CDH10: variants seen among roughly 807,000 people sequenced by gnomAD.
The protein encoded by CDH10 is cadherin 10.
Under a neutral mutation model 73.1 loss-of-function variants are expected in CDH10, and 30 were observed. That is an observed-to-expected ratio of 0.41 (90% confidence interval 0.31 to 0.56). The LOEUF is 0.56. Among genes scored for constraint, CDH10 ranks in the 20% least tolerant of loss-of-function variants. The probability of loss-of-function intolerance (pLI) is 0.27; values close to 1 mark genes in which losing one functional copy is unlikely to be tolerated. For missense variants in CDH10, 815 were observed against 973.7 expected, an observed-to-expected ratio of 0.84 and a Z score of 2.17; for synonymous variants, 345 against 348.2, an observed-to-expected ratio of 0.99 and a Z score of 0.10.
rs548832002 is a variant in CDH10, at chr5:24,606,363, C to A, written c.-123-12750G>T. Among the ~76,000 whole-genome samples the A allele has an allele frequency of 4.6e-5, 7 of 152,246 alleles. No homozygotes were observed. In the South Asian group the frequency reaches 1.5e-3, roughly 32 times the overall value. ...CAGTGGCTCACACCTGTAATCCCAG[C>A]ACTTTGGGAGGTCAAGGTGGGTGGA... On this transcript the variant is annotated intron_variant, in intron 1 of 11. Coordinates refer to ENST00000264463, the MANE Select transcript of CDH10 (RefSeq NM_006727.5).
At chr5:24,618,326 T>G (rs2112161305) in intron 1 of CDH10, among the ~76,000 whole-genome samples, 1 of 152,324 alleles carries the variant, frequency 6.6e-6, no homozygotes, top group Admixed American at 6.5e-5. Flanking sequence ...GAGACAACGC[T>G]GTTGCAGAGT....
intron 5 of CDH10, among the ~76,000 whole-genome samples, chr5:24,534,896 G>C (rs1288234658): frequency 6.8e-6 from 1 of 147,702 alleles, no homozygotes; most frequent in Non-Finnish European, 1.5e-5. Context: ...AGGTCTTCCT[G>C]TCTCTGAGTG....
chr5:24,641,606 A>G (rs965684267), intron 1 of CDH10, among the ~76,000 whole-genome samples: 1 of 152,122 alleles, frequency 6.6e-6, no homozygotes, highest in African/African-American at 2.4e-5. Flanking sequence ...CAGTTTTTCA[A>G]ATATGCATCT....
intron 1 of CDH10, among the ~76,000 whole-genome samples, chr5:24,594,441 T>TC (rs1429571366): frequency 6.6e-6 from 1 of 151,756 alleles, no homozygotes; most frequent in Non-Finnish European, 1.5e-5. Context: ...CATTTTTTTT[T>TC]CCACAAAACA....
At chr5:24,514,809 T>C (rs1376117164) in intron 5 of CDH10, among the ~76,000 whole-genome samples, 2 of 152,110 alleles carry the variant, frequency 1.3e-5, no homozygotes, top group Non-Finnish European at 2.9e-5. Flanking sequence ...TAATGAGTTT[T>C]CAATTAAAAA....
At chr5:24,628,399 G>C (rs1318711854) in intron 1 of CDH10, among the ~76,000 whole-genome samples, 2 of 152,162 alleles carry the variant, frequency 1.3e-5, no homozygotes, top group Non-Finnish European at 2.9e-5. Flanking sequence ...CAGACACCAA[G>C]TGGTAATTCA....
chr5:24,495,518 T>C lies in CDH10; in HGVS notation c.1516-2593A>G, dbSNP rs571306945. On this transcript the variant is annotated intron_variant, in intron 9 of 11. Transcript: ENST00000264463. The stretch of plus-strand genomic sequence containing the variant: ...GCTTTTTCTATGGGAAGCCTTGGAG[T>C]TTCCGTTAATGAGAACATTTCCTTT... Among the ~76,000 whole-genome samples, 7 of 151,948 alleles carry C rather than the reference T, an allele frequency of 4.6e-5. No individual in the cohort carries two copies. In the South Asian group the frequency reaches 8.3e-4, roughly 18 times the overall value.
intron 1 of CDH10, among the ~76,000 whole-genome samples, chr5:24,632,644 T>C (rs1747743818): frequency 6.6e-6 from 1 of 151,970 alleles, no homozygotes; most frequent in Admixed American, 6.6e-5. Flanking sequence ...ATAGAGAAAA[T>C]AATTTGCCTA....
chr5:24,520,722 ACT>A (rs1491128809), intron 5 of CDH10, among the ~76,000 whole-genome samples: 2 of 151,316 alleles, frequency 1.3e-5, no homozygotes, highest in African/African-American at 2.4e-5. Flanking sequence ...AACACAAATC[ACT>A]TTTTTTTTGT....
chr5:24,623,633 T>G (rs967635330), intron 1 of CDH10, among the ~76,000 whole-genome samples: 1 of 152,202 alleles, frequency 6.6e-6, no homozygotes, highest in East Asian at 1.9e-4. Context: ...AAATGGCATT[T>G]AAGCATCATG....
At chr5:24,636,631 A>G (rs1173562856) in intron 1 of CDH10, among the ~76,000 whole-genome samples, 5 of 151,956 alleles carry the variant, frequency 3.3e-5, no homozygotes, top group African/African-American at 1.2e-4. Flanking sequence ...CAATACACCT[A>G]TATAACAAAC....
intron 1 of CDH10, chr5:24,612,900 A>C (rs1449637397): frequency 6.6e-6 from 1 of 152,146 alleles, no homozygotes; most frequent in Non-Finnish European, 1.5e-5. Flanking sequence ...TTGTATTTTC[A>C]ATTTTTTAAA....
intron 5 of CDH10, among the ~76,000 whole-genome samples, chr5:24,527,314 T>C (rs1384012228): frequency 2.0e-5 from 3 of 147,324 alleles, no homozygotes. Flanking sequence ...TAATTAAATA[T>C]ACAGTCTTAT....
chr5:24,504,820 G>A (rs1208828544), intron 8 of CDH10, among the ~76,000 whole-genome samples: 2 of 151,822 alleles, frequency 1.3e-5, no homozygotes, highest in African/African-American at 4.8e-5. Context: ...CACCGTGCCC[G>A]GCCTGTTAAT....
chr5:24,511,547 G>C (rs749518978), intron 5 of CDH10, 33 bp from the exon 6 acceptor site: 21 of 83,994 alleles, frequency 2.5e-4, no homozygotes, highest in Non-Finnish European at 3.0e-4. Flanking sequence ...GAGAGAGACA[G>C]AGAGAGAGAG....
intron 1 of CDH10, among the ~76,000 whole-genome samples, chr5:24,605,264 G>A (rs1165198287): frequency 1.3e-5 from 2 of 152,224 alleles, no homozygotes; most frequent in Admixed American, 6.5e-5. Context: ...TCTATGACCT[G>A]TTAGGAACCG....
intron 7 of CDH10, among the ~76,000 whole-genome samples, chr5:24,508,708 A>G (rs1365627880): frequency 1.3e-5 from 2 of 148,912 alleles, no homozygotes; most frequent in Admixed American, 1.3e-4. Flanking sequence ...TTATAGAGAC[A>G]GGGTCTCAGT....
chr5:24,511,876 T>C lies in CDH10; in HGVS notation c.815-362A>G, dbSNP rs549773957. Among the ~76,000 whole-genome samples the C allele has an allele frequency of 5.3e-5, 8 of 152,206 alleles. No individual in the cohort carries two copies. The South Asian group carries it at 1.5e-3, about 28-fold the overall frequency. On this transcript the variant is annotated intron_variant, in intron 5 of 11. Transcript: ENST00000264463. ...GAGGCCATTATCCTTAACACACTAA[T>C]GCAGGAACAGAAAATCAAATGTCAC...
At chr5:24,530,016 C>CTTTTTT (rs34282847) in intron 5 of CDH10, among the ~76,000 whole-genome samples, 5 of 121,842 alleles carry the variant, frequency 4.1e-5, no homozygotes, top group Non-Finnish European at 6.6e-5. Flanking sequence ...TCTATTTTTA[C>CTTTTTT]TTTTTTTTTT....
Sources: gnomAD v4.1 joint callset for allele counts (sites outside exome capture counted in the v4.1 genomes callset) on GRCh38, gnomAD v4.1.1 for gene constraint, MANE v1.5 for transcripts, NCBI Gene and HGNC (gene_info 2026-07-23, HGNC 2026-07-21) for gene names.